GRAMD1A: variants seen among roughly 807,000 people sequenced by gnomAD.
The protein encoded by GRAMD1A is GRAM domain containing 1A.
GRAMD1A carries 50 observed loss-of-function variants against 92.0 expected under a neutral mutation model. The observed-to-expected ratio is 0.54, with a 90% CI of 0.43 to 0.69. The LOEUF (loss-of-function observed/expected upper bound fraction) is 0.69, where lower values mean the gene tolerates loss of function less well. GRAMD1A is among the 30% of genes least tolerant of loss of function. The pLI is 0.00. For synonymous variants in GRAMD1A, 405 were observed against 403.6 expected (o/e 1.00, Z -0.04); for missense variants, 819 against 978.9 (o/e 0.84, Z 2.18).
intron 16 of GRAMD1A, 58 bp from the exon 17 acceptor site, chr19:35,022,842 T>G (rs58690566): frequency 0.15 from 240,998 of 1,562,946 alleles, 19,943 homozygotes; most frequent in African/African-American, 0.22. Flanking sequence ...GCTGGGGGTG[T>G]CGGGGGCAGG....
chr19:35,010,404 C>T, intron 6 of GRAMD1A, 25 bp downstream of exon 6: 1 of 1,485,374 alleles, frequency 6.7e-7, no homozygotes, highest in Non-Finnish European at 9.4e-7. Context: ...GGTGACGGGA[C>T]CACGCGGTCC....
intron 11 of GRAMD1A, among the ~76,000 whole-genome samples, chr19:35,017,208 C>T (rs2015703006): frequency 1.3e-5 from 2 of 151,758 alleles, no homozygotes; most frequent in African/African-American, 2.4e-5. Flanking sequence ...CCCCAGAAGC[C>T]GAGCAGATGT....
chr19:35,015,774 G>T, intron 10 of GRAMD1A, 50 bp from the exon 11 acceptor site: 1 of 1,579,238 alleles, frequency 6.3e-7, no homozygotes, highest in South Asian at 1.2e-5. Flanking sequence ...GCCCGCAGAG[G>T]GAGGGAGGAG....
At chr19:35,002,876 C>CT (rs2014492773) in intron 1 of GRAMD1A, 1 of 152,328 alleles carries the variant, frequency 6.6e-6, no homozygotes, top group South Asian at 2.1e-4. Flanking sequence ...GTATGGCTGT[C>CT]TTTGGCTCTT....
chr19:35,023,982 GT>G (rs368285042), intron 19 of GRAMD1A, among the ~76,000 whole-genome samples: 44 of 152,292 alleles, frequency 2.9e-4, no homozygotes, highest in African/African-American at 1.0e-3. Context: ...CAGGCCACGT[GT>G]GGTCCCTCTA....
Position 35,000,329 on chromosome 19 carries a change from T to G in GRAMD1A, c.-150T>G. 9.4e-7 allele frequency: 1 copy of G among 1,062,408 alleles called. No homozygotes were observed. The highest frequency in any genetic ancestry group is 4.4e-4 in the Middle Eastern group (1 of 2,292). 65.8% of individuals were successfully genotyped at this position (1,062,408 alleles called of 1,614,324 possible). A position where few individuals can be genotyped will look rare whatever the true frequency, so the allele number is the denominator to read the frequency against. On this transcript the variant is annotated 5_prime_UTR_variant, in exon 1 of 20. Transcript: ENST00000317991. The surrounding 1 kb of genome is among the most constrained non-coding windows in gnomAD (Gnocchi z 4.9). Reference sequence around the variant, plus strand: ...GGCCTCCGGCGGCTCCGGCCTTTTGTGCGGGCGGTTGGGTCGGGTGGGGGC... The same window carrying G: ...GGCCTCCGGCGGCTCCGGCCTTTTGGGCGGGCGGTTGGGTCGGGTGGGGGC...
chr19:35,003,633 G>A (rs964967506), intron 1 of GRAMD1A, among the ~76,000 whole-genome samples: 8 of 152,238 alleles, frequency 5.3e-5, no homozygotes, highest in Admixed American at 2.6e-4. Flanking sequence ...TGTGTTTCAG[G>A]CTAGAGGGCT....
At chr19:35,012,925 A>G (rs977284212) in intron 7 of GRAMD1A, 2 of 222,290 alleles carry the variant, frequency 9.0e-6, no homozygotes, top group Non-Finnish European at 1.8e-5. Context: ...CAGTGAGCTG[A>G]GATCACACCA....
chr19:35,003,597 G>T (rs2014580323), intron 1 of GRAMD1A, among the ~76,000 whole-genome samples: 1 of 152,252 alleles, frequency 6.6e-6, no homozygotes, highest in Non-Finnish European at 1.5e-5. Context: ...CCCTAGATCT[G>T]TGGCTGCGGG....
At chr19:34,997,639 G>A (rs949473552), upstream of GRAMD1A, among the ~76,000 whole-genome samples, 3 of 152,120 alleles carry the variant, frequency 2.0e-5, no homozygotes, top group Non-Finnish European at 2.9e-5. Flanking sequence ...TGGAGAAATC[G>A]CAGAAACAAT....
Position 35,009,274 on chromosome 19 carries a change from C to G in GRAMD1A, c.164C>G (p.Pro55Arg), listed in dbSNP as rs1198854509. The stretch of plus-strand genomic sequence containing the variant: ...AGCTCCTCAGAGAAGGGTGGGGTGC[C>G]TGGGACCCCCAGCACCCAGAGCCTA... ...SDSSSEKGGV[P>R]GTPSTQSLGS... Residue 55 changes from proline (P) to arginine (R), a missense_variant, in exon 2 of 20, where the codon CCT becomes CGT. By Grantham distance (103) the Pro-to-Arg change is moderately radical. Coordinates refer to ENST00000317991, the MANE Select transcript of GRAMD1A (RefSeq NM_020895.5). 3.1e-6 allele frequency: 5 copies of G among 1,613,890 alleles called. No homozygotes were observed. The African/African-American group carries it at 5.3e-5, about 17-fold the overall frequency.
At chr19:35,010,639 C>T (rs2015166663) in intron 6 of GRAMD1A, 3 of 586,376 alleles carry the variant, frequency 5.1e-6, no homozygotes, top group Admixed American at 3.2e-5. Context: ...TGTGGCACCT[C>T]AGCCGCCCCT....
rs1303775139 is a variant in GRAMD1A, at chr19:35,019,984, C to T, written c.1475+451C>T. Among the ~76,000 whole-genome samples, 6 of 152,134 alleles carry T rather than the reference C, an allele frequency of 3.9e-5. No homozygotes were observed. In the South Asian group the frequency reaches 1.0e-3, roughly 26 times the overall value. On this transcript the variant is annotated intron_variant, in intron 13 of 19. Coordinates refer to ENST00000317991, the MANE Select transcript of GRAMD1A (RefSeq NM_020895.5). ...TGGGAAAGAAATGTTTCACCAAGAA[C>T]CTGAAGGAGCTGAGAGCAACTCATT...
Position 35,021,996 on chromosome 19 carries a change from C to T in GRAMD1A, c.1799C>T (p.Pro600Leu). Reference protein sequence around the residue: ...RFSEPSVDQGPGAGIPSALVL... With the variant: ...RFSEPSVDQGLGAGIPSALVL... ...TCCGAACCATCTGTGGACCAGGGCC[C>T]CGGGGCAGGCATCCCCAGTGCCCTG... is the stretch of plus-strand genomic sequence containing the variant. The change falls in exon 16 of 20, where the codon CCC becomes CTC. Residue 600 changes from proline to leucine, a missense_variant. Pro to Leu is a moderately conservative substitution (Grantham distance 98). This residue lies in a region of GRAMD1A where 577 missense variants were observed against 674.6 expected (regional missense o/e 0.86). Transcript: ENST00000317991. This position sits in a 1 kb window ranked among gnomAD's most constrained non-coding sequence, Gnocchi z 5.3. 1 of 1,614,108 alleles carries T rather than the reference C, an allele frequency of 6.2e-7. No individual in the cohort carries two copies. The highest frequency in any genetic ancestry group is 1.3e-5 in the African/African-American group (1 of 75,054).
At chr19:35,014,131 T>C in intron 9 of GRAMD1A, 58 bp from the exon 10 acceptor site, 1 of 1,487,366 alleles carries the variant, frequency 6.7e-7, no homozygotes. Context: ...AGTGTGGACT[T>C]GGGAGCCCTG....
intron 13 of GRAMD1A, among the ~76,000 whole-genome samples, chr19:35,019,747 ACT>A (rs1186017503): frequency 6.6e-6 from 1 of 152,010 alleles, no homozygotes; most frequent in Non-Finnish European, 1.5e-5. Context: ...GAGCCTCAAG[ACT>A]CTGAGGATAC....
At chr19:35,009,469 T>C in intron 3 of GRAMD1A, 26 bp downstream of exon 3, 1 of 1,613,288 alleles carries the variant, frequency 6.2e-7, no homozygotes, top group Non-Finnish European at 8.5e-7. Context: ...AGGGGCTTGC[T>C]GGAGGGCTGG....
chr19:35,003,061 GGTGTGTGTGT>G (rs58809497), intron 1 of GRAMD1A, among the ~76,000 whole-genome samples: 33 of 142,328 alleles, frequency 2.3e-4, no homozygotes, highest in East Asian at 1.0e-3. Flanking sequence ...CAATGCTGCA[GGTGTGTGTGT>G]GTGTGTGTGT....
At chr19:35,022,417 A>C (rs2016125317) in intron 16 of GRAMD1A, among the ~76,000 whole-genome samples, 1 of 152,148 alleles carries the variant, frequency 6.6e-6, no homozygotes, top group African/African-American at 2.4e-5. Flanking sequence ...GGCGATGCTG[A>C]GGACACCGCA....
Sources: gnomAD v4.1 joint callset for allele counts (sites outside exome capture counted in the v4.1 genomes callset) on GRCh38, gnomAD v4.1.1 for gene constraint, gnomAD v4.1.1 regional missense constraint, Gnocchi (gnomAD v3.1) non-coding constraint, MANE v1.5 for transcripts, NCBI Gene and HGNC (gene_info 2026-07-23, HGNC 2026-07-21) for gene names.